Variants in PGBD2 observed in about 807,000 individuals in gnomAD.
PGBD2 encodes the protein piggyBac transposable element derived 2, also known as piggyBac transposable element-derived protein 2.
In PGBD2, 6 loss-of-function variants were observed where a neutral mutation model predicts 8.1. The ratio of observed to expected loss-of-function variants is 0.74; its 90% CI spans 0.40 to 1.46. PGBD2 has a LOEUF of 1.46. Among genes scored for constraint, PGBD2 ranks in the 40% most tolerant of loss-of-function variants. The pLI is 0.02. For synonymous variants in PGBD2, 318 were observed against 272.2 expected (o/e 1.17, Z -1.66); for missense variants, 802 against 739.0 (o/e 1.09, Z -0.99).
the PGBD2 span, among the ~76,000 whole-genome samples, chr1:248,885,570 A>G: frequency 6.6e-6 from 1 of 152,194 alleles, no homozygotes; most frequent in Admixed American, 6.5e-5. Flanking sequence ...TTTGAATTAG[A>G]CATGGGACTA....
chr1:248,922,773 G>A (rs1182801242), downstream of PGBD2, among the ~76,000 whole-genome samples: 2 of 152,186 alleles, frequency 1.3e-5, no homozygotes. Flanking sequence ...TGATTTGCGT[G>A]TGTTGAACCA....
chr1:248,900,929 C>T, the PGBD2 span, among the ~76,000 whole-genome samples: 6 of 152,176 alleles, frequency 3.9e-5, no homozygotes, highest in Non-Finnish European at 5.9e-5. Flanking sequence ...AAATCACAAG[C>T]ATTCCTATGT....
At chr1:248,893,044 T>C in the PGBD2 span, among the ~76,000 whole-genome samples, 1 of 152,234 alleles carries the variant, frequency 6.6e-6, no homozygotes, top group Non-Finnish European at 1.5e-5. Context: ...TCTATATGTT[T>C]TACCTTTGGT....
the PGBD2 span, among the ~76,000 whole-genome samples, chr1:248,874,303 G>GC: frequency 6.6e-6 from 1 of 152,296 alleles, no homozygotes; most frequent in African/African-American, 2.4e-5. Context: ...GCCCGGGTTC[G>GC]ATTCCCGGTC....
chr1:248,875,868 A>T, the PGBD2 span, among the ~76,000 whole-genome samples: 1 of 152,186 alleles, frequency 6.6e-6, no homozygotes, highest in Non-Finnish European at 1.5e-5. Context: ...AAATTGCTAC[A>T]AATATTTATA....
intron 1 of PGBD2, 120 bp downstream of exon 1, chr1:248,906,462 C>G (rs1661641218): frequency 6.6e-6 from 1 of 151,632 alleles, no homozygotes; most frequent in Non-Finnish European, 1.5e-5. Context: ...CACTGCGCGC[C>G]GACGGTGGGC....
At chr1:248,873,308 C>T in the PGBD2 span, among the ~76,000 whole-genome samples, 2 of 152,210 alleles carry the variant, frequency 1.3e-5, no homozygotes, top group Admixed American at 6.5e-5. Flanking sequence ...GCATCAGGCC[C>T]CTCTGACCTA....
At chr1:248,891,844 G>A in the PGBD2 span, among the ~76,000 whole-genome samples, 2 of 152,128 alleles carry the variant, frequency 1.3e-5, no homozygotes, top group African/African-American at 4.8e-5. Flanking sequence ...AAAAAAAAGT[G>A]TTTTTGAAGA....
chr1:248,882,409 A>G, the PGBD2 span, among the ~76,000 whole-genome samples: 1 of 152,240 alleles, frequency 6.6e-6, no homozygotes, highest in African/African-American at 2.4e-5. Context: ...CAGAGCCTTA[A>G]AACAGAAACA....
the PGBD2 span, among the ~76,000 whole-genome samples, chr1:248,888,537 C>A: frequency 6.6e-6 from 1 of 152,056 alleles, no homozygotes; most frequent in Non-Finnish European, 1.5e-5. Context: ...GGCTCTATGT[C>A]TTCTTTTGAA....
chr1:248,874,398 A>C, the PGBD2 span, among the ~76,000 whole-genome samples: 2 of 152,160 alleles, frequency 1.3e-5, 1 homozygote, highest in South Asian at 4.1e-4. Flanking sequence ...TGACTTCTAA[A>C]CAAAGGGCAA....
chr1:248,874,326 C>A, the PGBD2 span, among the ~76,000 whole-genome samples: 5 of 152,144 alleles, frequency 3.3e-5, no homozygotes, highest in East Asian at 3.9e-4. Context: ...GAAAGTAAGC[C>A]GTTTTAAAAA....
At chr1:248,888,182 CTA>C in the PGBD2 span, among the ~76,000 whole-genome samples, 1 of 152,184 alleles carries the variant, frequency 6.6e-6, no homozygotes, top group African/African-American at 2.4e-5. Context: ...CTAGTTGATT[CTA>C]TATCCATGCT....
chr1:248,917,505 G>A lies in PGBD2; in HGVS notation c.921G>A (p.Val307=), dbSNP rs752483840. ...WCGTTSRGYL[V]WFEPSQGTLF... is the part of the protein sequence containing the mutation. ...GGACAACCAGCAGAGGCTACTTGGT[G>A]TGGTTTGAGCCCTCACAGGGCACAC... Residue 307 remains valine, a synonymous_variant, in exon 3 of 3, where the codon GTG becomes GTA. Coordinates refer to ENST00000329291, the MANE Select transcript of PGBD2 (RefSeq NM_170725.3). 4.3e-6 allele frequency: 7 copies of A among 1,614,192 alleles called. No individual in the cohort carries two copies. In the Admixed American group the frequency reaches 1.2e-4, roughly 27 times the overall value.
the PGBD2 span, among the ~76,000 whole-genome samples, chr1:248,883,249 G>A: frequency 4.6e-5 from 7 of 150,854 alleles, no homozygotes; most frequent in Admixed American, 3.3e-4. Flanking sequence ...TCAGCCTCTC[G>A]AGTAGCTGGG....
At chr1:248,919,752 T>G (rs1409265159), downstream of PGBD2, 1 of 166,860 alleles carries the variant, frequency 6.0e-6, no homozygotes, top group African/African-American at 2.4e-5. Flanking sequence ...CCAGCATTTG[T>G]TATTGTCTGT....
At chr1:248,874,423 C>T in the PGBD2 span, among the ~76,000 whole-genome samples, 5 of 152,154 alleles carry the variant, frequency 3.3e-5, no homozygotes, top group Admixed American at 6.5e-5. Flanking sequence ...CACCTGGTGT[C>T]CTCATTTTGC....
downstream of PGBD2, among the ~76,000 whole-genome samples, chr1:248,922,311 G>A (rs549129530): frequency 3.3e-5 from 5 of 152,002 alleles, no homozygotes; most frequent in African/African-American, 9.7e-5. Flanking sequence ...CACCAGCCTC[G>A]GCCTCCCAAA....
At chr1:248,904,663 T>TG (rs1256712712), upstream of PGBD2, among the ~76,000 whole-genome samples, 1 of 152,218 alleles carries the variant, frequency 6.6e-6, no homozygotes, top group Non-Finnish European at 1.5e-5. Flanking sequence ...CATTTGCACA[T>TG]GCCATTCTCT....
Sources: gnomAD v4.1 joint callset for allele counts (sites outside exome capture counted in the v4.1 genomes callset) on GRCh38, gnomAD v4.1.1 for gene constraint, MANE v1.5 for transcripts, NCBI Gene and HGNC (gene_info 2026-07-23, HGNC 2026-07-21) for gene names.